Variants in CACNA1B observed in about 807,000 individuals in gnomAD.
The protein encoded by CACNA1B is voltage-dependent N-type calcium channel subunit alpha-1B.
Under a neutral mutation model 247.2 loss-of-function variants are expected in CACNA1B, and 70 were observed. The ratio of observed to expected loss-of-function variants is 0.28; its 90% CI spans 0.23 to 0.35. The LOEUF (loss-of-function observed/expected upper bound fraction) is 0.35, where lower values mean the gene tolerates loss of function less well. Ranked by LOEUF, CACNA1B falls within the 10% of genes least tolerant of loss-of-function variation. The pLI is 1.00. For synonymous variants in CACNA1B, 1,231 were observed against 1,294.4 expected, an observed-to-expected ratio of 0.95 and a Z score of 1.05; for missense variants, 2,367 against 3,197.4, an observed-to-expected ratio of 0.74 and a Z score of 6.26.
intron 6 of CACNA1B, among the ~76,000 whole-genome samples, chr9:137,946,378 C>T (rs1003390536): frequency 1.1e-4 from 16 of 152,064 alleles, no homozygotes; most frequent in African/African-American, 3.9e-4. Context: ...GGTTTAAGTT[C>T]CCTGAAATGT....
At position 137,913,283 on chromosome 9, in the gene CACNA1B, G is replaced by A. The variant is rs1040929474; in HGVS notation, c.622+12G>A. 15 of 1,605,030 alleles carry A rather than the reference G, an allele frequency of 9.3e-6. No individual in the cohort carries two copies. Among genetic ancestry groups the A allele is most frequent in the Admixed American group, 3.3e-5 (2 of 59,952 alleles). On this transcript the variant is annotated intron_variant, in intron 4 of 46. Transcript: ENST00000371372. The surrounding 1 kb of genome is among the most constrained non-coding windows in gnomAD (Gnocchi z 5.2). ...GTCTGGGATTCCAAGTGAGTCCAGC[G>A]AAGACAGGCCCAAGCCGGCTTGGAG...
At chr9:137,927,219 T>C (rs948459533) in intron 6 of CACNA1B, among the ~76,000 whole-genome samples, 3 of 150,578 alleles carry the variant, frequency 2.0e-5, no homozygotes, top group Admixed American at 6.7e-5. Flanking sequence ...GTATATGGTG[T>C]TAGATAAGGA....
intron 6 of CACNA1B, among the ~76,000 whole-genome samples, chr9:137,940,838 G>A: frequency 6.6e-6 from 1 of 152,132 alleles, no homozygotes; most frequent in African/African-American, 2.4e-5. Context: ...AATAGATGTG[G>A]AAAGAACCTT....
chr9:138,094,782 A>G (rs1589124940), intron 36 of CACNA1B, among the ~76,000 whole-genome samples: 1 of 152,344 alleles, frequency 6.6e-6, no homozygotes, highest in East Asian at 1.9e-4. Flanking sequence ...ATAAACTCAA[A>G]TATCTGTGTT....
At chr9:137,904,244 A>C (rs1486462687) in intron 3 of CACNA1B, among the ~76,000 whole-genome samples, 2 of 152,128 alleles carry the variant, frequency 1.3e-5, no homozygotes, top group Admixed American at 1.3e-4. Flanking sequence ...TGTAAAACCC[A>C]GAGTGCTGGG....
chr9:138,000,295 T>C (rs1162341615), intron 15 of CACNA1B, among the ~76,000 whole-genome samples: 1 of 152,106 alleles, frequency 6.6e-6, no homozygotes, highest in Non-Finnish European at 1.5e-5. Context: ...AGACAGGGTT[T>C]CACCGTGTTA....
chr9:137,978,086 C>A (rs1164987343), intron 12 of CACNA1B, among the ~76,000 whole-genome samples: 1 of 138,914 alleles, frequency 7.2e-6, no homozygotes, highest in Non-Finnish European at 1.6e-5. Flanking sequence ...GGGAGCACTG[C>A]CCTCCCCCAG....
rs150496046 is a variant in CACNA1B, at chr9:137,954,856, TTGTG to T, written c.1071-821_1071-818del. ...ACACCCACTCCACCAACTCAGAAGC[TTGTG>T]TGTGTGTGTGTGTGTGTGTGAGAGA... On this transcript the variant is annotated intron_variant, in intron 7 of 46. Coordinates refer to ENST00000371372, the MANE Select transcript of CACNA1B (RefSeq NM_000718.4). The surrounding 1 kb of genome is among the most constrained non-coding windows in gnomAD (Gnocchi z 4.1). Among the ~76,000 whole-genome samples, 1 of 120,944 alleles carries T rather than the reference TTGTG, an allele frequency of 8.3e-6. No homozygotes were observed. The highest frequency in any genetic ancestry group is 1.6e-5 in the Non-Finnish European group (1 of 61,212). The allele number at this position is 120,944 out of a possible 152,430, so 79.3% of individuals were successfully genotyped here.
At chr9:138,028,390 TA>T (rs981024553) in intron 20 of CACNA1B, among the ~76,000 whole-genome samples, 6 of 152,188 alleles carry the variant, frequency 3.9e-5, no homozygotes, top group African/African-American at 1.4e-4. Flanking sequence ...ACCGATTTTG[TA>T]AAATATAAAG....
chr9:138,044,976 C>G (rs774616637), intron 21 of CACNA1B, among the ~76,000 whole-genome samples: 1 of 152,108 alleles, frequency 6.6e-6, no homozygotes, highest in Admixed American at 6.5e-5. Flanking sequence ...GGGGTGGTAA[C>G]CCGGTGTGGA....
At chr9:138,074,833 T>G (rs1262577712) in intron 34 of CACNA1B, among the ~76,000 whole-genome samples, 1 of 152,210 alleles carries the variant, frequency 6.6e-6, no homozygotes, top group Non-Finnish European at 1.5e-5. Flanking sequence ...GGTTATCCTG[T>G]TAGTCTGGCA....
rs1356241155 is a variant in CACNA1B, at chr9:138,100,347, C to T, written c.5223-2364C>T. Among the ~76,000 whole-genome samples, 1 of 151,954 alleles carries T rather than the reference C, an allele frequency of 6.6e-6. No individual in the cohort carries two copies. The highest frequency in any genetic ancestry group is 6.6e-5 in the Admixed American group (1 of 15,242). On this transcript the variant is annotated intron_variant, in intron 37 of 46. Transcript: ENST00000371372. The surrounding 1 kb of genome is among the most constrained non-coding windows in gnomAD (Gnocchi z 4.6). ...TAGACAGTGGGCTCAGTCCTTGCAT[C>T]GAGGAGTGATGGTGTCAGGCCCACA...
chr9:137,894,850 CAG>C (rs1222608068), intron 3 of CACNA1B, among the ~76,000 whole-genome samples: 2 of 152,276 alleles, frequency 1.3e-5, no homozygotes, highest in South Asian at 2.1e-4. Context: ...ATTTTCGTAA[CAG>C]AGACTTTGCG....
At chr9:137,960,199 G>T (rs1366935237) in intron 10 of CACNA1B, among the ~76,000 whole-genome samples, 1 of 149,060 alleles carries the variant, frequency 6.7e-6, no homozygotes, top group Non-Finnish European at 1.5e-5. Flanking sequence ...CCTGAGTGAG[G>T]GGGAGGGGGA....
chr9:137,996,327 C>G (rs1321671075), intron 15 of CACNA1B, among the ~76,000 whole-genome samples: 1 of 152,176 alleles, frequency 6.6e-6, no homozygotes, highest in African/African-American at 2.4e-5. Context: ...GAATACTACT[C>G]AGCCCTAAAA....
intron 38 of CACNA1B, among the ~76,000 whole-genome samples, chr9:138,104,065 C>T (rs1292508478): frequency 6.6e-6 from 1 of 152,232 alleles, no homozygotes; most frequent in Non-Finnish European, 1.5e-5. Context: ...GGAGCCCCAC[C>T]CAGCTGTGCT....
intron 3 of CACNA1B, among the ~76,000 whole-genome samples, chr9:137,912,054 T>C (rs1244207528): frequency 6.6e-6 from 1 of 152,246 alleles, no homozygotes; most frequent in Non-Finnish European, 1.5e-5. Context: ...TCTTTTATAC[T>C]TGTGTTAAAG....
intron 15 of CACNA1B, among the ~76,000 whole-genome samples, chr9:137,989,636 G>A (rs1466340806): frequency 6.6e-6 from 1 of 152,172 alleles, no homozygotes; most frequent in Non-Finnish European, 1.5e-5. Context: ...GAGGGTCATG[G>A]AGAAGTAACG....
intron 6 of CACNA1B, among the ~76,000 whole-genome samples, chr9:137,931,247 C>T (rs1957604140): frequency 1.3e-5 from 2 of 151,342 alleles, no homozygotes; most frequent in Non-Finnish European, 1.5e-5. Flanking sequence ...GCGTAAACGG[C>T]TCAAGAGCCC....
Sources: allele counts gnomAD v4.1 joint callset (sites outside exome capture counted in the v4.1 genomes callset), GRCh38; gene constraint gnomAD v4.1.1; non-coding constraint Gnocchi (gnomAD v3.1); transcripts MANE v1.5; gene names NCBI Gene and HGNC (gene_info 2026-07-23, HGNC 2026-07-21).